Variants in SNTG2 observed in about 807,000 individuals in gnomAD.
SNTG2 encodes syntrophin gamma 2.
SNTG2 carries 74 observed loss-of-function variants against 70.9 expected under a neutral mutation model. The observed-to-expected ratio is 1.04, with a 90% CI of 0.86 to 1.27. The LOEUF (loss-of-function observed/expected upper bound fraction) is 1.27, where lower values mean the gene tolerates loss of function less well. Ranked by LOEUF, SNTG2 falls within the 50% of genes most tolerant of loss-of-function variation. SNTG2 has a pLI of 0.00. For missense variants in SNTG2, 717 were observed against 690.7 expected (o/e 1.04, Z -0.43); for synonymous variants, 278 against 273.8 (o/e 1.02, Z -0.15).
At chr2:1,214,594 T>A (rs1428906817) in intron 9 of SNTG2, among the ~76,000 whole-genome samples, 4 of 152,202 alleles carry the variant, frequency 2.6e-5, no homozygotes, top group African/African-American at 9.6e-5. Flanking sequence ...TTGTTTTGTA[T>A]CCTGCAAATT....
At chr2:982,330 T>C (rs544791629) in intron 1 of SNTG2, among the ~76,000 whole-genome samples, 1 of 152,362 alleles carries the variant, frequency 6.6e-6, no homozygotes, top group Admixed American at 6.5e-5. Context: ...TTCCACACTT[T>C]TTCTTTGAGA....
chr2:1,262,778 G>GCAGACGAGGCAACCTGAAGGCTCCGTC (rs767622889), intron 13 of SNTG2: 2 of 142,522 alleles, frequency 1.4e-5, no homozygotes, highest in South Asian at 2.4e-4. Context: ...AAGGCTCCGT[G>GCAGACGAGGCAACCTGAAGGCTCCGTC]CAGACGAGGT....
chr2:1,355,870 T>G (rs1000868065), intron 16 of SNTG2, among the ~76,000 whole-genome samples: 1 of 152,230 alleles, frequency 6.6e-6, no homozygotes, highest in Non-Finnish European at 1.5e-5. Context: ...ATGTGTGTTT[T>G]TACAGCAGTT....
intron 9 of SNTG2, among the ~76,000 whole-genome samples, chr2:1,223,715 G>C (rs145436825): frequency 6.6e-6 from 1 of 152,258 alleles, no homozygotes; most frequent in Non-Finnish European, 1.5e-5. Flanking sequence ...GGAAAGAGTG[G>C]ATGGAGAAGG....
intron 14 of SNTG2, among the ~76,000 whole-genome samples, chr2:1,287,128 G>A (rs1453860958): frequency 2.0e-5 from 3 of 152,126 alleles, no homozygotes; most frequent in Admixed American, 6.5e-5. Flanking sequence ...TTTTCCCGCC[G>A]AGGAGTCACA....
intron 1 of SNTG2, among the ~76,000 whole-genome samples, chr2:1,049,773 G>A (rs1661950788): frequency 6.6e-6 from 1 of 152,216 alleles, no homozygotes; most frequent in African/African-American, 2.4e-5. Flanking sequence ...ATGAATGAGA[G>A]TTCCTGTTGC....
chr2:1,289,574 A>G (rs1679905196), intron 14 of SNTG2, among the ~76,000 whole-genome samples: 1 of 152,188 alleles, frequency 6.6e-6, no homozygotes, highest in African/African-American at 2.4e-5. Flanking sequence ...TTGCACAGAA[A>G]ATAGTCACGG....
At position 1,200,857 on chromosome 2, in the gene SNTG2, C is replaced by T. The variant is rs532047794; in HGVS notation, c.592-8246C>T. On this transcript the variant is annotated intron_variant, in intron 8 of 16. Coordinates refer to ENST00000308624, the MANE Select transcript of SNTG2 (RefSeq NM_018968.4). ...ATCATGATGAAATATTATCTTACCC[C>T]AGTTAGAATGGTTATTTTAAAAAAG... is the stretch of plus-strand genomic sequence containing the variant. Among the ~76,000 whole-genome samples the T allele has an allele frequency of 1.7e-4, 26 of 152,006 alleles. 1 individual carries two copies. In the East Asian group the frequency reaches 4.6e-3, roughly 27 times the overall value.
In SNTG2 at chr2:1,284,806, G is replaced by A. The variant is rs527550228; in HGVS notation, c.1284+17235G>A. ...GTTTGTAATTAAAATATTCAGTTTT[G>A]TTTATTAATGACAAACATTTATTGC... On this transcript the variant is annotated intron_variant, in intron 14 of 16. Coordinates refer to ENST00000308624, the MANE Select transcript of SNTG2 (RefSeq NM_018968.4). Among the ~76,000 whole-genome samples the A allele has an allele frequency of 4.9e-3, 741 of 150,900 alleles. 2 individuals carry two copies. The highest frequency in any genetic ancestry group is 0.015 in the South Asian group (72 of 4,818).
intron 1 of SNTG2, among the ~76,000 whole-genome samples, chr2:1,074,215 G>A (rs1663771730): frequency 6.6e-6 from 1 of 152,200 alleles, no homozygotes; most frequent in African/African-American, 2.4e-5. Context: ...ACCCTCGTCT[G>A]CCCGGGGGAA....
At chr2:1,185,615 C>G (rs1384376618) in intron 8 of SNTG2, among the ~76,000 whole-genome samples, 2 of 152,198 alleles carry the variant, frequency 1.3e-5, no homozygotes, top group Non-Finnish European at 2.9e-5. Context: ...AACTTGCACT[C>G]CCTGGAGCAG....
At chr2:981,578 T>C (rs1021001367) in intron 1 of SNTG2, among the ~76,000 whole-genome samples, 1 of 151,814 alleles carries the variant, frequency 6.6e-6, no homozygotes, top group Admixed American at 6.6e-5. Flanking sequence ...CACACATACG[T>C]ATTCAAGGAC....
chr2:1,116,837 T>C (rs1186254937), intron 4 of SNTG2, among the ~76,000 whole-genome samples: 1 of 145,818 alleles, frequency 6.9e-6, no homozygotes. Flanking sequence ...TGCCCTGGTG[T>C]ATGGGTGCCC....
chr2:1,236,520 GTCC>G (rs1676670692), intron 9 of SNTG2, among the ~76,000 whole-genome samples: 2 of 152,202 alleles, frequency 1.3e-5, no homozygotes, highest in Admixed American at 6.5e-5. Flanking sequence ...CTTCACCTCT[GTCC>G]TCCTGCCAAG....
intron 1 of SNTG2, among the ~76,000 whole-genome samples, chr2:956,244 G>T (rs988722102): frequency 1.5e-3 from 71 of 46,060 alleles, no homozygotes; most frequent in African/African-American, 6.5e-3. Flanking sequence ...CCCCTGCCCC[G>T]CCCCGCCCCT....
At chr2:1,354,004 A>T (rs1398919904) in intron 16 of SNTG2, 1 of 152,222 alleles carries the variant, frequency 6.6e-6, no homozygotes, top group Non-Finnish European at 1.5e-5. Flanking sequence ...CAAGCACAGG[A>T]TAGAGCCTCA....
intron 4 of SNTG2, among the ~76,000 whole-genome samples, chr2:1,131,108 A>T (rs1015796259): frequency 2.6e-5 from 4 of 152,220 alleles, no homozygotes; most frequent in Non-Finnish European, 5.9e-5. Flanking sequence ...AATGAGATGC[A>T]GTCAGCTTTC....
At chr2:1,008,792 T>G (rs1659643167) in intron 1 of SNTG2, among the ~76,000 whole-genome samples, 1 of 152,202 alleles carries the variant, frequency 6.6e-6, no homozygotes, top group Non-Finnish European at 1.5e-5. Flanking sequence ...AAATACAAGT[T>G]TATAAGTTAC....
At position 1,280,875 on chromosome 2, in the gene SNTG2, C is replaced by T. The variant is rs141148087; in HGVS notation, c.1284+13304C>T. Among the ~76,000 whole-genome samples, 411 of 152,188 alleles carry T rather than the reference C, an allele frequency of 2.7e-3. 3 individuals carry two copies. Among genetic ancestry groups the T allele is most frequent in the Admixed American group, 4.0e-3 (61 of 15,280 alleles). ...AACTTTATATAAAGTTTGTCAAATCCGATAATTACTAGTTTGCATATTCAA... is the reference window on the plus strand; with the variant it reads ...AACTTTATATAAAGTTTGTCAAATCTGATAATTACTAGTTTGCATATTCAA... On this transcript the variant is annotated intron_variant, in intron 14 of 16. Transcript: ENST00000308624.
Sources: allele counts gnomAD v4.1 joint callset (sites outside exome capture counted in the v4.1 genomes callset), GRCh38; gene constraint gnomAD v4.1.1; transcripts MANE v1.5; gene names NCBI Gene and HGNC (gene_info 2026-07-23, HGNC 2026-07-21).